The following ANK3 variants were observed in gnomAD, a reference collection of about 807,000 sequenced individuals.
The protein encoded by ANK3 is ankyrin 3, also known as ankyrin-3.
ANK3 carries 57 observed loss-of-function variants against 370.9 expected under a neutral mutation model. The observed-to-expected ratio is 0.15, with a 90% CI of 0.12 to 0.19. ANK3 has a LOEUF of 0.19. Among genes scored for constraint, ANK3 ranks in the 10% least tolerant of loss-of-function variants. The pLI is 1.00. For missense variants in ANK3, 4,439 were observed against 5,302.1 expected, an observed-to-expected ratio of 0.84 and a Z score of 5.06; for synonymous variants, 1,929 against 1,946.3, an observed-to-expected ratio of 0.99 and a Z score of 0.23.
intron 2 of ANK3, among the ~76,000 whole-genome samples, chr10:60,557,124 C>A (rs748359743): frequency 1.8e-4 from 28 of 152,120 alleles, no homozygotes; most frequent in Admixed American, 1.3e-3. Context: ...TACCATATGA[C>A]CATTGATTCC....
intron 25 of ANK3, among the ~76,000 whole-genome samples, chr10:60,125,809 G>C (rs940261836): frequency 6.6e-6 from 1 of 152,084 alleles, no homozygotes; most frequent in Non-Finnish European, 1.5e-5. Flanking sequence ...GAAAATGCTT[G>C]GATCTTGAAA....
In ANK3 at chr10:60,321,738, C is replaced by CT. The variant is rs2048710531; in HGVS notation, c.115-42100dup. On this transcript the variant is annotated intron_variant, in intron 1 of 43. Transcript: ENST00000280772. ...CAAAGCTGGGGCTGAAATCAGCAGACTGACTGCAGAGCCCATTCTCTAACC... is the reference window on the plus strand; with the variant it reads ...CAAAGCTGGGGCTGAAATCAGCAGACTTGACTGCAGAGCCCATTCTCTAACC... Among the ~76,000 whole-genome samples the CT allele has an allele frequency of 3.3e-5, 5 of 152,364 alleles. No homozygotes were observed. The South Asian group carries it at 1.0e-3, about 32-fold the overall frequency.
At chr10:60,099,422 T>C (rs2090777559) in intron 28 of ANK3, among the ~76,000 whole-genome samples, 1 of 152,150 alleles carries the variant, frequency 6.6e-6, no homozygotes, top group Admixed American at 6.5e-5. Flanking sequence ...AAGGAAGATA[T>C]CAAAGTTCAA....
At chr10:60,311,313 C>A (rs762805078) in intron 1 of ANK3, among the ~76,000 whole-genome samples, 1 of 152,124 alleles carries the variant, frequency 6.6e-6, no homozygotes, top group Non-Finnish European at 1.5e-5. Context: ...GCTGTTCAAA[C>A]CTCCTAGGCT....
chr10:60,480,390 C>T (rs1228202536), intron 2 of ANK3, among the ~76,000 whole-genome samples: 1 of 152,060 alleles, frequency 6.6e-6, no homozygotes, highest in South Asian at 2.1e-4. Flanking sequence ...AAAATTCACA[C>T]CTAATGAATG....
intron 1 of ANK3, among the ~76,000 whole-genome samples, chr10:60,348,176 T>A (rs1344395915): frequency 6.6e-6 from 1 of 152,012 alleles, no homozygotes; most frequent in African/African-American, 2.4e-5. Flanking sequence ...GGCTCCTCCA[T>A]CTTGCCTCTG....
At chr10:60,566,841 C>T (rs1246513355) in intron 2 of ANK3, among the ~76,000 whole-genome samples, 7 of 152,148 alleles carry the variant, frequency 4.6e-5, no homozygotes, top group African/African-American at 1.7e-4. Context: ...TGCCAATGTG[C>T]TCTACCTTGG....
chr10:60,043,659 A>G, intron 42 of ANK3: 1 of 985,340 alleles, frequency 1.0e-6, no homozygotes, highest in Non-Finnish European at 1.2e-6. Flanking sequence ...TCTTGAACTG[A>G]GCCTTTTGCC....
chr10:60,610,524 C>T (rs1175372571), intron 2 of ANK3, among the ~76,000 whole-genome samples: 7 of 151,610 alleles, frequency 4.6e-5, no homozygotes, highest in African/African-American at 1.7e-4. Context: ...AAATGCTTCC[C>T]GAATAAAATC....
intron 2 of ANK3, among the ~76,000 whole-genome samples, chr10:60,594,621 G>C (rs1420164997): frequency 6.6e-6 from 1 of 151,376 alleles, no homozygotes; most frequent in Non-Finnish European, 1.5e-5. Context: ...ACACACACAC[G>C]ACTATATGTG....
At position 60,075,262 on chromosome 10, in the gene ANK3, T is replaced by A. The variant is rs566868384; in HGVS notation, c.5619A>T (p.Ser1873=). Residue 1873 remains serine, a synonymous_variant, in exon 37 of 44, where the codon TCA becomes TCT. Coordinates refer to ENST00000280772, the MANE Select transcript of ANK3 (RefSeq NM_020987.5). ...THPQPHFSRT[S]SPVKSSLFLA... The stretch of plus-strand genomic sequence containing the variant: ...GGAACAAAGATGACTTAACTGGAGA[T>A]GAAGTTCGACTGAAGTGAGGCTGAG... 4.3e-6 allele frequency: 7 copies of A among 1,614,160 alleles called. No homozygotes were observed. In the African/African-American group the frequency reaches 9.3e-5, roughly 22 times the overall value.
intron 37 of ANK3, among the ~76,000 whole-genome samples, chr10:60,068,425 C>T (rs896880405): frequency 1.3e-5 from 2 of 152,236 alleles, no homozygotes; most frequent in Admixed American, 6.5e-5. Context: ...AGCTGTCTAC[C>T]GTGTAGTTTG....
At chr10:60,631,105 G>A (rs1001323586) in intron 1 of ANK3, among the ~76,000 whole-genome samples, 2 of 152,144 alleles carry the variant, frequency 1.3e-5, no homozygotes, top group Admixed American at 6.6e-5. Context: ...CCTATGATGG[G>A]AATTATGAAG....
Position 60,076,158 on chromosome 10 carries a change from G to A in ANK3, c.4723C>T (p.Arg1575Trp), listed in dbSNP as rs565896400. The A allele has an allele frequency of 5.9e-5, 95 of 1,614,210 alleles. No individual in the cohort carries two copies. The highest frequency in any genetic ancestry group is 5.3e-4 in the East Asian group (24 of 44,888). ...GTTTTTATCGGCGAAGACATTGTCC[G>A]AAAGGATCTAATTGGAGATGCCACG... is the stretch of plus-strand genomic sequence containing the variant. ...SDVASPIRSF[R>W]TMSSPIKTVV... is the part of the protein sequence containing the mutation. The change falls in exon 37 of 44, where the codon CGG (arginine) becomes TGG (tryptophan). Residue 1575 changes from arginine to tryptophan, a missense_variant. Arg to Trp is a moderately radical substitution (Grantham distance 101). This residue lies in a region of ANK3 where 679 missense variants were observed against 791.0 expected (regional missense o/e 0.86). Coordinates refer to ENST00000280772, the MANE Select transcript of ANK3 (RefSeq NM_020987.5).
intron 35 of ANK3, chr10:60,081,610 ACAT>A (rs1236864834): frequency 5.5e-6 from 2 of 365,898 alleles, no homozygotes; most frequent in Non-Finnish European, 1.1e-5. Context: ...ATCACATACA[ACAT>A]AAGTTTATTT....
chr10:60,384,315 A>T (rs1325598431), intron 1 of ANK3, among the ~76,000 whole-genome samples: 1 of 152,194 alleles, frequency 6.6e-6, no homozygotes, highest in East Asian at 1.9e-4. Context: ...GAATCTTAAG[A>T]AAAAACATTA....
At chr10:60,487,744 C>T (rs2075386991) in intron 2 of ANK3, among the ~76,000 whole-genome samples, 2 of 138,146 alleles carry the variant, frequency 1.4e-5, no homozygotes, top group South Asian at 2.3e-4. Flanking sequence ...GACAGAGTCT[C>T]GCTCTTGTTG....
Position 60,364,559 on chromosome 10 carries a change from G to A in ANK3, c.114+24866C>T, listed in dbSNP as rs559656159. 9.2e-5 allele frequency among the ~76,000 whole-genome samples: 14 copies of A among 152,142 alleles called. No homozygotes were observed. The South Asian group carries it at 2.9e-3, about 32-fold the overall frequency. Reference sequence around the variant, plus strand: ...GGCCTGTTGGGGGGTGGGAGGCTACGGGTGGGATAGCATTAGGAGAAATAC... The same window carrying A: ...GGCCTGTTGGGGGGTGGGAGGCTACAGGTGGGATAGCATTAGGAGAAATAC... On this transcript the variant is annotated intron_variant, in intron 1 of 43. Coordinates refer to ENST00000280772, the MANE Select transcript of ANK3 (RefSeq NM_020987.5).
At chr10:60,363,195 G>A (rs1174720610) in intron 1 of ANK3, among the ~76,000 whole-genome samples, 1 of 152,140 alleles carries the variant, frequency 6.6e-6, no homozygotes, top group East Asian at 1.9e-4. Flanking sequence ...TAAAGGCACT[G>A]AATAGCTGGC....
Sources: gnomAD v4.1 joint callset for allele counts (sites outside exome capture counted in the v4.1 genomes callset) on GRCh38, gnomAD v4.1.1 for gene constraint, gnomAD v4.1.1 regional missense constraint, MANE v1.5 for transcripts, NCBI Gene and HGNC (gene_info 2026-07-23, HGNC 2026-07-21) for gene names.